The following CSMD2 variants were observed in gnomAD, a reference collection of about 807,000 sequenced individuals.
The protein encoded by CSMD2 is CUB and Sushi multiple domains 2.
CSMD2 carries 130 observed loss-of-function variants against 398.5 expected under a neutral mutation model. The ratio of observed to expected loss-of-function variants is 0.33; its 90% CI spans 0.28 to 0.38. CSMD2 has a LOEUF of 0.38. Ranked by LOEUF, CSMD2 falls within the 10% of genes least tolerant of loss-of-function variation. The pLI is 1.00. For synonymous variants in CSMD2, 1,828 were observed against 1,908.5 expected (o/e 0.96, Z 1.10); for missense variants, 3,829 against 4,764.9 (o/e 0.80, Z 5.78).
rs565798307 is a variant in CSMD2 at position 33,994,394 on chromosome 1, C to T, written c.517+38200G>A. Among the ~76,000 whole-genome samples the T allele has an allele frequency of 2.7e-4, 41 of 152,194 alleles. 1 individual carries two copies. In the South Asian group the frequency reaches 7.0e-3, roughly 26 times the overall value. The stretch of plus-strand genomic sequence containing the variant: ...TCCTCCAGAGCTAGCTGAGTGACCA[C>T]TGCCTCCCACTAGGCCAGCTCTCCC... On this transcript the variant is annotated intron_variant, in intron 3 of 70. Coordinates refer to ENST00000373381, the MANE Select transcript of CSMD2 (RefSeq NM_001281956.2).
chr1:33,781,900 CT>C (rs147476832), intron 12 of CSMD2, among the ~76,000 whole-genome samples: 16,446 of 151,450 alleles, frequency 0.11, 979 homozygotes, highest in South Asian at 0.21. Context: ...CCCCCGCCCC[CT>C]GACCTGGGAT....
intron 1 of CSMD2, among the ~76,000 whole-genome samples, chr1:34,123,607 G>C (rs546191189): frequency 2.2e-4 from 34 of 152,276 alleles, no homozygotes; most frequent in South Asian, 1.0e-3. Flanking sequence ...TCTGAAGCGG[G>C]GGGGAGTCTC....
At chr1:33,946,619 A>T (rs916216505) in intron 3 of CSMD2, among the ~76,000 whole-genome samples, 2 of 149,310 alleles carry the variant, frequency 1.3e-5, no homozygotes, top group African/African-American at 4.9e-5. Context: ...TCATCTGACA[A>T]CTTTTTTTTT....
At chr1:33,603,980 C>A (rs1444928810) in intron 42 of CSMD2, among the ~76,000 whole-genome samples, 1 of 152,198 alleles carries the variant, frequency 6.6e-6, no homozygotes, top group Non-Finnish European at 1.5e-5. Flanking sequence ...GGGAGGTCAG[C>A]AGGGACTAGG....
chr1:33,650,832 CATTCAACCTT>C (rs1253248591), intron 28 of CSMD2, among the ~76,000 whole-genome samples: 2 of 152,154 alleles, frequency 1.3e-5, no homozygotes, highest in African/African-American at 4.8e-5. Context: ...TGCCCCTTCC[CATTCAACCTT>C]CCCTACCCTC....
rs116720941 is a variant in CSMD2 at position 33,872,954 on chromosome 1, C to G, written c.921-25958G>C. Among the ~76,000 whole-genome samples, 504 of 152,318 alleles carry G rather than the reference C, an allele frequency of 3.3e-3. 4 individuals are homozygous for G. The highest frequency in any genetic ancestry group is 0.012 in the African/African-American group (495 of 41,560). On this transcript the variant is annotated intron_variant, in intron 5 of 70. Transcript: ENST00000373381. ...GGCTGGATTTCAAAATTGTTACGGACCAGTGACGCCTTTGTTCCTCACATT... is the reference window on the plus strand; with the variant it reads ...GGCTGGATTTCAAAATTGTTACGGAGCAGTGACGCCTTTGTTCCTCACATT...
At position 33,792,408 on chromosome 1, in the gene CSMD2, C is replaced by A. The variant is rs754134079; in HGVS notation, c.1550+15G>T. The A allele has an allele frequency of 5.0e-6, 8 of 1,591,856 alleles. No homozygotes were observed. In the Admixed American group the frequency reaches 1.3e-4, roughly 27 times the overall value. ...ACCGTCCCACCTTCCAAACAACATG[C>A]CCCACTGCACTTACATGTAGAGAAC... On this transcript the variant is annotated intron_variant, in intron 11 of 70. Transcript: ENST00000373381.
intron 3 of CSMD2, among the ~76,000 whole-genome samples, chr1:33,959,362 T>C (rs1645272990): frequency 6.6e-6 from 1 of 152,020 alleles, no homozygotes; most frequent in African/African-American, 2.4e-5. Context: ...ACACAGATAT[T>C]TAAGTCAGAA....
rs140868594 is a variant in CSMD2 at position 33,615,529 on chromosome 1, C to T, written c.6017-909G>A. On this transcript the variant is annotated intron_variant, in intron 39 of 70. Coordinates refer to ENST00000373381, the MANE Select transcript of CSMD2 (RefSeq NM_001281956.2). ...ATCCCACCTTCACTTCCGATGGGAC[C>T]GTGGGCAAGTTCAAAACCCTCCAGA... Among the ~76,000 whole-genome samples, 864 of 152,234 alleles carry T rather than the reference C, an allele frequency of 5.7e-3. 3 individuals are homozygous for T. Among genetic ancestry groups the T allele is most frequent in the Non-Finnish European group, 9.2e-3 (626 of 68,008 alleles).
chr1:34,009,908 A>G (rs1423193411), intron 3 of CSMD2, among the ~76,000 whole-genome samples: 1 of 152,042 alleles, frequency 6.6e-6, no homozygotes, highest in East Asian at 1.9e-4. Flanking sequence ...TCTTATCTGG[A>G]CCAAGGCAAT....
chr1:33,648,934 C>A (rs563103463), intron 28 of CSMD2, among the ~76,000 whole-genome samples: 1 of 152,264 alleles, frequency 6.6e-6, no homozygotes, highest in East Asian at 1.9e-4. Context: ...GTTAAATTAC[C>A]AGGACCCTCT....
At chr1:33,993,504 G>A (rs1395156723) in intron 3 of CSMD2, among the ~76,000 whole-genome samples, 1 of 151,960 alleles carries the variant, frequency 6.6e-6, no homozygotes, top group African/African-American at 2.4e-5. Flanking sequence ...CCCACTCTGT[G>A]TCTCCTGGGC....
At chr1:33,783,994 C>G (rs139035698) in intron 12 of CSMD2, among the ~76,000 whole-genome samples, 395 of 150,666 alleles carry the variant, frequency 2.6e-3, no homozygotes, top group South Asian at 4.0e-3. Context: ...ATGTGACTCC[C>G]TATCCCAGGG....
intron 2 of CSMD2, among the ~76,000 whole-genome samples, chr1:34,060,041 T>C (rs1006728629): frequency 1.4e-4 from 22 of 152,148 alleles, no homozygotes; most frequent in Non-Finnish European, 1.2e-4. Context: ...TTGTGACCTC[T>C]AGAAGAGAGG....
intron 62 of CSMD2, 140 bp downstream of exon 62, chr1:33,536,882 C>A: frequency 1.3e-6 from 1 of 743,984 alleles, no homozygotes. Flanking sequence ...TTCAAAGAGG[C>A]AGAGGGCTTT....
chr1:33,741,943 T>C (rs1236085335), intron 14 of CSMD2, among the ~76,000 whole-genome samples: 1 of 152,234 alleles, frequency 6.6e-6, no homozygotes, highest in African/African-American at 2.4e-5. Flanking sequence ...TACTCATTCA[T>C]GGATCCTTCC....
intron 19 of CSMD2, among the ~76,000 whole-genome samples, chr1:33,722,408 G>A (rs1017208860): frequency 4.5e-4 from 68 of 152,190 alleles, no homozygotes; most frequent in Non-Finnish European, 1.0e-4. Context: ...CACAATGTCA[G>A]CAGTCAATAG....
chr1:33,781,601 C>T (rs1352201258), intron 12 of CSMD2, among the ~76,000 whole-genome samples: 8 of 152,174 alleles, frequency 5.3e-5, no homozygotes, highest in African/African-American at 1.9e-4. Flanking sequence ...GTCCAGGTCC[C>T]AGCTTCTTCC....
At chr1:33,877,422 A>G (rs1640916256) in intron 5 of CSMD2, among the ~76,000 whole-genome samples, 1 of 152,112 alleles carries the variant, frequency 6.6e-6, no homozygotes. Context: ...ACTCACAGCA[A>G]AATTCTCTCT....
Sources: allele counts gnomAD v4.1 joint callset (sites outside exome capture counted in the v4.1 genomes callset), GRCh38; gene constraint gnomAD v4.1.1; transcripts MANE v1.5; gene names NCBI Gene and HGNC (gene_info 2026-07-23, HGNC 2026-07-21).